Variants in TEX36 observed in about 807,000 individuals in gnomAD.
The protein encoded by TEX36 is testis-expressed protein 36.
TEX36 carries 12 observed loss-of-function variants against 13.6 expected under a neutral mutation model. That is an observed-to-expected ratio of 0.88 (90% CI 0.56 to 1.43). The LOEUF (loss-of-function observed/expected upper bound fraction) is 1.43. TEX36 is among the 40% of genes most tolerant of loss of function. The pLI is 0.00. For synonymous variants in TEX36, 93 were observed against 83.0 expected (o/e 1.12, Z -0.65); for missense variants, 224 against 228.3 (o/e 0.98, Z 0.12).
intron 1 of TEX36, chr10:125,667,397 G>A (rs1216541347): frequency 1.5e-6 from 1 of 659,450 alleles, no homozygotes; most frequent in Non-Finnish European, 2.9e-6. Flanking sequence ...CTCCGCAATG[G>A]GCACAATGCC....
intron 3 of TEX36, among the ~76,000 whole-genome samples, chr10:125,631,720 C>T (rs1388318638): frequency 2.6e-5 from 4 of 152,182 alleles, no homozygotes; most frequent in African/African-American, 9.7e-5. Context: ...CAGAGAACAG[C>T]ATGGCCAAGG....
intron 3 of TEX36, among the ~76,000 whole-genome samples, chr10:125,613,358 C>T (rs1485366774): frequency 6.7e-6 from 1 of 149,450 alleles, no homozygotes; most frequent in African/African-American, 2.5e-5. Flanking sequence ...TATACATGTG[C>T]CATGCTGGGG....
intron 3 of TEX36, among the ~76,000 whole-genome samples, chr10:125,641,819 A>G (rs1362271022): frequency 6.6e-6 from 1 of 152,222 alleles, no homozygotes; most frequent in Non-Finnish European, 1.5e-5. Context: ...TAGAGTCCCC[A>G]GGACCTACCC....
intron 3 of TEX36, among the ~76,000 whole-genome samples, chr10:125,591,308 G>C (rs1195509019): frequency 6.6e-6 from 1 of 152,188 alleles, no homozygotes; most frequent in Non-Finnish European, 1.5e-5. Flanking sequence ...ATCAACAGGA[G>C]GGAAGATCAG....
chr10:125,634,987 G>C (rs999933600), intron 3 of TEX36, among the ~76,000 whole-genome samples: 2 of 152,206 alleles, frequency 1.3e-5, no homozygotes, highest in Non-Finnish European at 2.9e-5. Context: ...CCTCAGCTGG[G>C]GCCAGGATGG....
chr10:125,600,960 T>C (rs1846138657), intron 3 of TEX36, among the ~76,000 whole-genome samples: 1 of 152,218 alleles, frequency 6.6e-6, no homozygotes, highest in Non-Finnish European at 1.5e-5. Flanking sequence ...GCAAGAGCAA[T>C]TGCTAAAGAA....
chr10:125,590,930 C>T (rs1267671968), intron 3 of TEX36, among the ~76,000 whole-genome samples: 1 of 152,160 alleles, frequency 6.6e-6, no homozygotes, highest in Admixed American at 6.5e-5. Flanking sequence ...AAATGTTCCT[C>T]TTCGGTTATG....
intron 3 of TEX36, among the ~76,000 whole-genome samples, chr10:125,577,378 A>G (rs943182644): frequency 1.3e-5 from 2 of 152,170 alleles, no homozygotes; most frequent in African/African-American, 4.8e-5. Flanking sequence ...CACGCCTGTA[A>G]TCCCAGCTGC....
intron 1 of TEX36, among the ~76,000 whole-genome samples, chr10:125,662,484 T>G (rs1203244369): frequency 6.6e-6 from 1 of 151,304 alleles, no homozygotes. Flanking sequence ...AGAGGGGAGG[T>G]AACGTCTAGG....
chr10:125,588,750 G>C (rs1845988600), intron 3 of TEX36, among the ~76,000 whole-genome samples: 1 of 152,208 alleles, frequency 6.6e-6, no homozygotes, highest in African/African-American at 2.4e-5. Context: ...GAGTAGCTGG[G>C]ACTATAGGCG....
downstream of TEX36, among the ~76,000 whole-genome samples, chr10:125,618,402 C>T (rs577005083): frequency 8.3e-4 from 127 of 152,242 alleles, no homozygotes; most frequent in Non-Finnish European, 1.7e-3. Context: ...TCTGTTTTTT[C>T]CCCATCTGTG....
chr10:125,611,625 C>T (rs1014780711), intron 3 of TEX36, among the ~76,000 whole-genome samples: 2 of 151,552 alleles, frequency 1.3e-5, no homozygotes, highest in Non-Finnish European at 2.9e-5. Flanking sequence ...TTAACTCTTG[C>T]CTAGGCTTAT....
chr10:125,625,729 C>T (rs940782661), intron 3 of TEX36, among the ~76,000 whole-genome samples: 1 of 152,238 alleles, frequency 6.6e-6, no homozygotes, highest in Admixed American at 6.5e-5. Flanking sequence ...CAGAACGTTG[C>T]CAACACCCCA....
downstream of TEX36, among the ~76,000 whole-genome samples, chr10:125,652,401 TA>T (rs1846875121): frequency 6.6e-6 from 1 of 152,232 alleles, no homozygotes; most frequent in African/African-American, 2.4e-5. Context: ...ATTCCCTATT[TA>T]ATAAATGGTG....
rs1228099131 is a variant in TEX36, at chr10:125,603,127, G to A, written c.265-26253C>T. ...TTTTTCAGGAGCGATGACCATCTGCGGACAAGGCCAACCAGCCTTCCTGTC... is the reference window on the plus strand; with the variant it reads ...TTTTTCAGGAGCGATGACCATCTGCAGACAAGGCCAACCAGCCTTCCTGTC... On this transcript the variant is annotated intron_variant, in intron 3 of 3. Transcript: ENST00000532135. Among the ~76,000 whole-genome samples, 5 of 152,218 alleles carry A rather than the reference G, an allele frequency of 3.3e-5. 1 individual carries two copies. Among genetic ancestry groups the A allele is most frequent in the African/African-American group, 7.2e-5 (3 of 41,458 alleles).
chr10:125,674,678 C>A (rs1847285447), intron 1 of TEX36, among the ~76,000 whole-genome samples: 2 of 152,238 alleles, frequency 1.3e-5, no homozygotes, highest in South Asian at 4.1e-4. Flanking sequence ...TCAGGCCCAT[C>A]TTCCACAGGA....
intron 3 of TEX36, among the ~76,000 whole-genome samples, chr10:125,650,503 T>C (rs946750110): frequency 6.6e-6 from 1 of 152,134 alleles, no homozygotes; most frequent in South Asian, 2.1e-4. Flanking sequence ...AAGCAGTGTG[T>C]AGAGGGAAAT....
At chr10:125,616,788 A>G, downstream of TEX36, among the ~76,000 whole-genome samples, 2 of 134,500 alleles carry the variant, frequency 1.5e-5, no homozygotes, top group African/African-American at 5.7e-5. Context: ...AGTTCTGTAG[A>G]TGTCTATTAG....
intron 1 of TEX36, among the ~76,000 whole-genome samples, chr10:125,669,823 C>G (rs1389568597): frequency 6.6e-6 from 1 of 152,186 alleles, no homozygotes; most frequent in East Asian, 1.9e-4. Context: ...TGTTCAGCTC[C>G]CATTTATAAG....
Sources: gnomAD v4.1 joint callset for allele counts (sites outside exome capture counted in the v4.1 genomes callset) on GRCh38, gnomAD v4.1.1 for gene constraint, MANE v1.5 for transcripts, NCBI Gene and HGNC (gene_info 2026-07-23, HGNC 2026-07-21) for gene names.